Variants in SPAG16 observed in about 807,000 individuals in gnomAD.
The protein encoded by SPAG16 is sperm-associated antigen 16 protein.
A neutral mutation model predicts 80.4 loss-of-function variants in SPAG16; 86 were observed. The ratio of observed to expected loss-of-function variants is 1.07; its 90% CI spans 0.90 to 1.28. SPAG16 has a LOEUF of 1.28. Ranked by LOEUF, SPAG16 falls within the 50% of genes most tolerant of loss-of-function variation. The pLI is 0.00. For missense variants in SPAG16, 870 were observed against 765.3 expected, an observed-to-expected ratio of 1.14 and a Z score of -1.61; for synonymous variants, 294 against 265.9, an observed-to-expected ratio of 1.11 and a Z score of -1.03.
chr2:213,773,246 C>T (rs1256052560), intron 10 of SPAG16, among the ~76,000 whole-genome samples: 1 of 152,082 alleles, frequency 6.6e-6, no homozygotes, highest in Non-Finnish European at 1.5e-5. Flanking sequence ...ATTTTCTCAG[C>T]ATTTGTGAGT....
chr2:214,117,343 A>G (rs1393666125), intron 14 of SPAG16, among the ~76,000 whole-genome samples: 2 of 152,166 alleles, frequency 1.3e-5, no homozygotes, highest in South Asian at 2.1e-4. Context: ...AAAATAAAGA[A>G]GTTACAGGAT....
chr2:214,269,833 A>C (rs994996188), intron 15 of SPAG16, among the ~76,000 whole-genome samples: 1 of 152,108 alleles, frequency 6.6e-6, no homozygotes, highest in Non-Finnish European at 1.5e-5. Context: ...CAGAAGTCCA[A>C]ACAATGACCT....
intron 10 of SPAG16, among the ~76,000 whole-genome samples, chr2:213,617,439 T>A (rs945936170): frequency 6.6e-6 from 1 of 152,120 alleles, no homozygotes; most frequent in Non-Finnish European, 1.5e-5. Context: ...CCTCCTGGGT[T>A]AAAGCGATTT....
At chr2:213,707,482 G>T (rs1200766477) in intron 10 of SPAG16, among the ~76,000 whole-genome samples, 1 of 152,056 alleles carries the variant, frequency 6.6e-6, no homozygotes, top group Admixed American at 6.6e-5. Flanking sequence ...TTGGTTTTGT[G>T]AACCCCTAAC....
intron 1 of SPAG16, among the ~76,000 whole-genome samples, chr2:213,286,096 G>A (rs2062046832): frequency 6.6e-6 from 1 of 152,178 alleles, no homozygotes; most frequent in Non-Finnish European, 1.5e-5. Flanking sequence ...TACTTAATGT[G>A]CAGGGAGATC....
intron 12 of SPAG16, among the ~76,000 whole-genome samples, chr2:213,962,650 T>C (rs2044507518): frequency 6.6e-6 from 1 of 152,228 alleles, no homozygotes; most frequent in African/African-American, 2.4e-5. Flanking sequence ...CCTCCAGAAA[T>C]GTGAGAAATA....
chr2:213,684,775 A>T (rs2125273656), intron 10 of SPAG16, among the ~76,000 whole-genome samples: 1 of 152,356 alleles, frequency 6.6e-6, no homozygotes, highest in Admixed American at 6.5e-5. Flanking sequence ...TTTATTGGTA[A>T]TGTATTGTGT....
chr2:214,177,430 A>G (rs541801875), intron 15 of SPAG16, among the ~76,000 whole-genome samples: 7 of 151,010 alleles, frequency 4.6e-5, no homozygotes, highest in Non-Finnish European at 8.9e-5. Flanking sequence ...GCAATTCTCT[A>G]GTATTCCAGG....
intron 10 of SPAG16, among the ~76,000 whole-genome samples, chr2:213,501,036 C>A (rs1018391557): frequency 2.0e-5 from 3 of 152,178 alleles, no homozygotes. Flanking sequence ...TTTCTAATCT[C>A]CTATCCAAGT....
At chr2:213,480,685 C>T (rs753912154) in intron 9 of SPAG16, among the ~76,000 whole-genome samples, 50 of 152,238 alleles carry the variant, frequency 3.3e-4, no homozygotes, top group Admixed American at 5.9e-4. Flanking sequence ...CACACTTTTC[C>T]GAACCTCCAT....
chr2:213,300,613 AAC>A (rs1401289571), intron 3 of SPAG16, among the ~76,000 whole-genome samples: 1 of 152,230 alleles, frequency 6.6e-6, no homozygotes, highest in Non-Finnish European at 1.5e-5. Flanking sequence ...AAAAATTTGT[AAC>A]AGTGTCACTC....
chr2:213,946,105 G>C (rs548711436), intron 12 of SPAG16, among the ~76,000 whole-genome samples: 1 of 151,924 alleles, frequency 6.6e-6, no homozygotes, highest in African/African-American at 2.4e-5. Flanking sequence ...ATTTTTATAC[G>C]TAGATTGTTG....
intron 15 of SPAG16, among the ~76,000 whole-genome samples, chr2:214,304,341 G>T (rs148576685): frequency 6.6e-6 from 1 of 152,178 alleles, no homozygotes; most frequent in East Asian, 1.9e-4. Context: ...CGGAATGAGG[G>T]CAAGGAACAC....
At chr2:214,284,029 G>A (rs1693159916) in intron 15 of SPAG16, among the ~76,000 whole-genome samples, 1 of 152,132 alleles carries the variant, frequency 6.6e-6, no homozygotes, top group Non-Finnish European at 1.5e-5. Flanking sequence ...ATTGATTTGA[G>A]AGCTTTTCAG....
chr2:213,757,224 TAA>T, intron 10 of SPAG16, among the ~76,000 whole-genome samples: 1 of 152,110 alleles, frequency 6.6e-6, no homozygotes, highest in East Asian at 1.9e-4. Flanking sequence ...AAGATGGTAA[TAA>T]ATAGACATAT....
At chr2:214,015,231 T>C (rs2047525690) in intron 13 of SPAG16, among the ~76,000 whole-genome samples, 1 of 152,136 alleles carries the variant, frequency 6.6e-6, no homozygotes. Context: ...TCATGGTCAG[T>C]GGTCTCTTAT....
At chr2:213,917,438 C>A (rs1200116576) in intron 11 of SPAG16, among the ~76,000 whole-genome samples, 1 of 152,118 alleles carries the variant, frequency 6.6e-6, no homozygotes, top group Admixed American at 6.6e-5. Context: ...TCTGTGTCAC[C>A]TCTGATTTCT....
At chr2:213,613,750 A>T in intron 10 of SPAG16, among the ~76,000 whole-genome samples, 1 of 151,670 alleles carries the variant, frequency 6.6e-6, no homozygotes, top group African/African-American at 2.4e-5. Context: ...TTTTCTTTTC[A>T]TTACTGTAGC....
chr2:213,638,290 G>A (rs1354381221), intron 10 of SPAG16, among the ~76,000 whole-genome samples: 1 of 151,908 alleles, frequency 6.6e-6, no homozygotes. Context: ...CTGGGTTTGG[G>A]TTTGGTTTGT....
Sources: gnomAD v4.1 joint callset for allele counts (sites outside exome capture counted in the v4.1 genomes callset) on GRCh38, gnomAD v4.1.1 for gene constraint, MANE v1.5 for transcripts, NCBI Gene and HGNC (gene_info 2026-07-23, HGNC 2026-07-21) for gene names.